The following ZNF582 variants were observed in gnomAD, a reference collection of about 807,000 sequenced individuals.
ZNF582 encodes the protein zinc finger protein 582.
Under a neutral mutation model 12.3 loss-of-function variants are expected in ZNF582, and 14 were observed. The ratio of observed to expected loss-of-function variants is 1.14; its 90% CI spans 0.75 to 1.78. ZNF582 has a LOEUF of 1.78. ZNF582 is among the 40% of genes most tolerant of loss of function. The probability of loss-of-function intolerance (pLI) is 0.00; values close to 1 mark genes in which losing one functional copy is unlikely to be tolerated. For missense variants in ZNF582, 567 were observed against 616.5 expected (o/e 0.92, Z 0.85); for synonymous variants, 210 against 207.2 (o/e 1.01, Z -0.11).
At chr19:56,390,226 G>T (rs1383725555) in intron 3 of ZNF582, 130 bp from the exon 4 acceptor site, 48 of 1,359,666 alleles carry the variant, frequency 3.5e-5, no homozygotes, top group Non-Finnish European at 5.0e-5. Flanking sequence ...GTTGCCTGGG[G>T]GTAGGGGGAT....
In ZNF582 at chr19:56,384,048, C is replaced by G. The variant is rs1426459836; in HGVS notation, c.1369G>C (p.Glu457Gln). ...GTTGAATCATGACTCAAGGTCTTCT[C>G]ACATTCCTTATATTCATAGGGCTTT... Residue 457 changes from glutamate to glutamine, a missense_variant, in exon 5 of 5, where the codon GAG (glutamate) becomes CAG (glutamine). Transcript: ENST00000586929. 4 of 1,612,134 alleles carry G rather than the reference C, an allele frequency of 2.5e-6. No individual in the cohort carries two copies. The African/African-American group carries it at 5.3e-5, about 22-fold the overall frequency.
chr19:56,393,112 C>T (rs374981474), intron 1 of ZNF582, 108 bp downstream of exon 1: 1 of 967,096 alleles, frequency 1.0e-6, no homozygotes, highest in Non-Finnish European at 1.4e-6. Flanking sequence ...TCTCTGAGAA[C>T]CTCATGAAAC....
chr19:56,385,840 T>C (rs932140808), intron 4 of ZNF582, among the ~76,000 whole-genome samples: 11 of 152,196 alleles, frequency 7.2e-5, no homozygotes, highest in Non-Finnish European at 1.2e-4. Flanking sequence ...AGGGAACTTT[T>C]TGGGTTGATG....
At chr19:56,389,410 C>G (rs530335892) in intron 4 of ZNF582, among the ~76,000 whole-genome samples, 15 of 152,246 alleles carry the variant, frequency 9.9e-5, no homozygotes, top group African/African-American at 3.6e-4. Context: ...TTATCCTAAG[C>G]AAACTAACAC....
At chr19:56,389,736 C>A (rs2041999642) in intron 4 of ZNF582, among the ~76,000 whole-genome samples, 1 of 152,078 alleles carries the variant, frequency 6.6e-6, no homozygotes, top group African/African-American at 2.4e-5. Flanking sequence ...ATACAGACAT[C>A]TTTCCAAAGA....
At chr19:56,384,953 T>C (rs757928304) in exon 5 of ZNF582, 22 of 1,614,040 alleles carry the variant, frequency 1.4e-5, no homozygotes, top group South Asian at 4.4e-5. Context: ...AAGGGATGCA[T>C]GCTGGTCAAA....
exon 1 of ZNF582, chr19:56,393,268 C>T (rs1045487891): frequency 1.0e-5 from 13 of 1,242,628 alleles, no homozygotes; most frequent in Non-Finnish European, 1.3e-5. Flanking sequence ...AGAAAGGGGG[C>T]GCCAGAAAGC....
chr19:56,390,285 C>T (rs979703739), intron 3 of ZNF582, 90 bp downstream of exon 3: 2 of 1,585,198 alleles, frequency 1.3e-6, no homozygotes, highest in South Asian at 1.1e-5. Flanking sequence ...AAATGACCAA[C>T]CAATCATAAG....
At chr19:56,393,192 A>AG in intron 1 of ZNF582, 28 bp downstream of exon 1, 1 of 1,264,432 alleles carries the variant, frequency 7.9e-7, no homozygotes, top group Non-Finnish European at 1.0e-6. Flanking sequence ...CCGCAATTTC[A>AG]GGGGGTCGGA....
At chr19:56,384,513 A>C (rs1311616676) in exon 5 of ZNF582, 1 of 1,612,976 alleles carries the variant, frequency 6.2e-7, no homozygotes, top group Admixed American at 1.7e-5. Flanking sequence ...TGAATTCTAT[A>C]ATGTACTTTA....
intron 4 of ZNF582, chr19:56,387,292 T>C (rs1470844927): frequency 6.6e-6 from 1 of 152,228 alleles, no homozygotes; most frequent in Non-Finnish European, 1.5e-5. Flanking sequence ...TTGTCTGGGT[T>C]TTAGATATGT....
At chr19:56,390,175 AG>A (rs1431166110) in intron 3 of ZNF582, 79 bp from the exon 4 acceptor site, 2 of 1,415,072 alleles carry the variant, frequency 1.4e-6, no homozygotes, top group African/African-American at 2.8e-5. Flanking sequence ...GTCATCAAGC[AG>A]GAGAGGCAGT....
exon 1 of ZNF582, chr19:56,393,225 G>C (rs1297185895): frequency 2.4e-6 from 3 of 1,257,678 alleles, no homozygotes; most frequent in African/African-American, 1.6e-5. Context: ...CCCACCTAAG[G>C]GGTCCATGCA....
chr19:56,384,580 G>A (rs772863769), exon 5 of ZNF582: 67 of 1,613,508 alleles, frequency 4.2e-5, no homozygotes, highest in Admixed American at 8.3e-5. Context: ...AGGGTTTCTC[G>A]CCTGTGTGAG....
chr19:56,388,034 C>T (rs1166466526), intron 4 of ZNF582, among the ~76,000 whole-genome samples: 2 of 151,864 alleles, frequency 1.3e-5, no homozygotes, highest in South Asian at 2.1e-4. Context: ...GGCATTCTTG[C>T]ATTTATGTAC....
chr19:56,385,204 AAT>A lies in ZNF582; in HGVS notation c.233-22_233-21del. 6.5e-7 allele frequency: 1 copy of A among 1,549,952 alleles called. No individual in the cohort carries two copies. On this transcript the variant is annotated intron_variant, in intron 4 of 4. Transcript: ENST00000586929. ...CCAATACTAAGAATGAAAAAAAGCG[AAT>A]ATGTTTGGCTTCTTTTTTTTTCCAG... is the stretch of plus-strand genomic sequence containing the variant.
At chr19:56,390,977 T>C (rs1236748640) in intron 2 of ZNF582, among the ~76,000 whole-genome samples, 2 of 152,242 alleles carry the variant, frequency 1.3e-5, no homozygotes, top group African/African-American at 2.4e-5. Context: ...CAAGAATTTC[T>C]TGGAGATGAA....
exon 5 of ZNF582, chr19:56,383,678 T>A (rs574902105): frequency 5.1e-6 from 3 of 583,910 alleles, no homozygotes. Flanking sequence ...AAATAAAATT[T>A]CTCCCAACCT....
chr19:56,385,071 A>T, exon 5 of ZNF582: 3 of 1,614,138 alleles, frequency 1.9e-6, no homozygotes, highest in Non-Finnish European at 2.5e-6. Context: ...TGGAAACTTG[A>T]ACACTCAAGA....
Sources: gnomAD v4.1 joint callset for allele counts (sites outside exome capture counted in the v4.1 genomes callset) on GRCh38, gnomAD v4.1.1 for gene constraint, MANE v1.5 for transcripts, NCBI Gene and HGNC (gene_info 2026-07-23, HGNC 2026-07-21) for gene names.